The following ANKRD13D variants were observed in gnomAD, a reference collection of about 807,000 sequenced individuals.
The protein encoded by ANKRD13D is ankyrin repeat domain 13D.
Under a neutral mutation model 68.8 loss-of-function variants are expected in ANKRD13D, and 24 were observed. That is an observed-to-expected ratio of 0.35 (90% CI 0.25 to 0.49). ANKRD13D has a LOEUF of 0.49. ANKRD13D is among the 20% of genes least tolerant of loss of function. ANKRD13D has a pLI of 0.99. For synonymous variants in ANKRD13D, 331 were observed against 336.1 expected, an observed-to-expected ratio of 0.98 and a Z score of 0.16; for missense variants, 735 against 832.1, an observed-to-expected ratio of 0.88 and a Z score of 1.44.
intron 1 of ANKRD13D, 93 bp from the exon 2 acceptor site, chr11:67,289,985 T>A: frequency 6.8e-7 from 1 of 1,466,824 alleles, no homozygotes; most frequent in East Asian, 2.5e-5. Context: ...CCGTCCTTAT[T>A]TCCCACAGCG....
chr11:67,300,803 G>C lies in ANKRD13D; in HGVS notation c.1074-187G>C. 1.5e-6 allele frequency: 1 copy of C among 672,746 alleles called. No individual in the cohort carries two copies. The highest frequency in any genetic ancestry group is 3.1e-4 in the Middle Eastern group (1 of 3,206). The allele number at this position is 672,746 out of a possible 1,614,324, so 41.7% of individuals were successfully genotyped here. ...AGCCCCAGCCTGGGCCCAGGGAGGA[G>C]GGCAGCTTGGGCCACGTGGCCAGGA... On this transcript the variant is annotated intron_variant, in intron 10 of 14. Coordinates refer to ENST00000511455, the MANE Select transcript of ANKRD13D (RefSeq NM_207354.3). This position sits in a 1 kb window ranked among gnomAD's most constrained non-coding sequence, Gnocchi z 4.3.
At chr11:67,295,690 T>G (rs1252387163) in intron 6 of ANKRD13D, among the ~76,000 whole-genome samples, 1 of 150,966 alleles carries the variant, frequency 6.6e-6, no homozygotes, top group African/African-American at 2.4e-5. Context: ...GAGTCCAGAT[T>G]GTGCCACTGC....
rs1390420557 is a variant in ANKRD13D at position 67,299,809 on chromosome 11, C to G, written c.881-18C>G. 6.5e-7 allele frequency: 1 copy of G among 1,532,302 alleles called. No homozygotes were observed. The highest frequency in any genetic ancestry group is 2.3e-5 in the East Asian group (1 of 44,170). The allele number at this position is 1,532,302 out of a possible 1,614,324, so 94.9% of individuals were successfully genotyped here. On this transcript the variant is annotated intron_variant, in intron 8 of 14. Transcript: ENST00000511455. This position sits in a 1 kb window ranked among gnomAD's most constrained non-coding sequence, Gnocchi z 6.2. The stretch of plus-strand genomic sequence containing the variant: ...CGAGCATTGTGACCCCTTACCAGCT[C>G]CCACCCCTTCTCCGTAGCGGGGAAG...
intron 3 of ANKRD13D, 169 bp from the exon 4 acceptor site, chr11:67,291,307 G>A (rs1464002381): frequency 1.1e-5 from 8 of 719,716 alleles, no homozygotes; most frequent in African/African-American, 1.9e-5. Flanking sequence ...GCAGTGAGCC[G>A]AGATTGCACC....
Position 67,301,028 on chromosome 11 carries a change from T to C in ANKRD13D, c.1112T>C (p.Leu371Pro). The C allele has an allele frequency of 6.2e-7, 1 of 1,613,886 alleles. No homozygotes were observed. The highest frequency in any genetic ancestry group is 8.5e-7 in the Non-Finnish European group (1 of 1,180,002). Residue 371 changes from leucine to proline, a missense_variant, in exon 11 of 15, where the codon CTC (leucine) becomes CCC (proline). Coordinates refer to ENST00000511455, the MANE Select transcript of ANKRD13D (RefSeq NM_207354.3). This position sits in a 1 kb window ranked among gnomAD's most constrained non-coding sequence, Gnocchi z 4.5. ...ATLWLSEEHP[L>P]SLGDQVTPII... Reference sequence around the variant, plus strand: ...CTGTGGCTGAGTGAAGAGCACCCGCTCTCCCTGGGTGACCAGGTGACCCCC... The same window carrying C: ...CTGTGGCTGAGTGAAGAGCACCCGCCCTCCCTGGGTGACCAGGTGACCCCC...
At position 67,301,081 on chromosome 11, in the gene ANKRD13D, G is replaced by A. The variant is rs1860966044; in HGVS notation, c.1165G>A (p.Ala389Thr). The change falls in exon 11 of 15, where the codon GCT becomes ACT. Residue 389 changes from alanine (A) to threonine (T), a missense_variant. Ala to Thr is a moderately conservative substitution (Grantham distance 58). Transcript: ENST00000511455. The surrounding 1 kb of genome is among the most constrained non-coding windows in gnomAD (Gnocchi z 4.5). ...CATCGACCTAATGGCCATCAGCAACGCTCACTTTGCCAAGCTGCGCGACTT... is the reference window on the plus strand; with the variant it reads ...CATCGACCTAATGGCCATCAGCAACACTCACTTTGCCAAGCTGCGCGACTT... Reference protein sequence around the residue: ...PIIDLMAISNAHFAKLRDFIT... With the variant: ...PIIDLMAISNTHFAKLRDFIT... 2 of 1,614,048 alleles carry A rather than the reference G, an allele frequency of 1.2e-6. No individual in the cohort carries two copies. Among genetic ancestry groups the A allele is most frequent in the Non-Finnish European group, 1.7e-6 (2 of 1,180,028 alleles).
chr11:67,302,001 C>T, intron 14 of ANKRD13D, 118 bp from the exon 15 acceptor site: 3 of 1,380,390 alleles, frequency 2.2e-6, no homozygotes, highest in East Asian at 2.5e-5. Context: ...GCCTTGTCTC[C>T]TCTGCTTGCC....
chr11:67,290,369 G>A lies in ANKRD13D; in HGVS notation c.274G>A (p.Val92Met). 1 of 1,582,136 alleles carries A rather than the reference G, an allele frequency of 6.3e-7. No homozygotes were observed. Among genetic ancestry groups the A allele is most frequent in the Non-Finnish European group, 8.6e-7 (1 of 1,164,874 alleles). Residue 92 changes from valine (V) to methionine (M), a missense_variant, in exon 3 of 15, where the codon GTG becomes ATG. By Grantham distance (21) the Val-to-Met change is conservative. Coordinates refer to ENST00000511455, the MANE Select transcript of ANKRD13D (RefSeq NM_207354.3). ...STGDPEMVQL[V>M]LQYRDYQRAT... ...TGGAGACCCCGAGATGGTGCAGCTGGTGCTCCAGTATCGGGACTACCAGAG... is the reference window on the plus strand; with the variant it reads ...TGGAGACCCCGAGATGGTGCAGCTGATGCTCCAGTATCGGGACTACCAGAG...
intron 14 of ANKRD13D, 78 bp from the exon 15 acceptor site, chr11:67,302,041 C>T (rs1045890542): frequency 2.1e-5 from 31 of 1,453,430 alleles, no homozygotes; most frequent in African/African-American, 2.9e-5. Flanking sequence ...CCTCCAAAGC[C>T]GGTCCCCAGC....
chr11:67,300,555 A>G lies in ANKRD13D; in HGVS notation c.1073+432A>G. ...GCACAAGCCTAGCGCTCTCCCCACCATCTCAGGAGGATTCTCTTAGCCACC... is the reference window on the plus strand; with the variant it reads ...GCACAAGCCTAGCGCTCTCCCCACCGTCTCAGGAGGATTCTCTTAGCCACC... On this transcript the variant is annotated intron_variant, in intron 10 of 14. Transcript: ENST00000511455. The surrounding 1 kb of genome is among the most constrained non-coding windows in gnomAD (Gnocchi z 4.3). 1 of 340,462 alleles carries G rather than the reference A, an allele frequency of 2.9e-6. No individual in the cohort carries two copies. Among genetic ancestry groups the G allele is most frequent in the Non-Finnish European group, 5.4e-6 (1 of 186,294 alleles). 21.1% of individuals were successfully genotyped at this position (340,462 alleles called of 1,614,324 possible). A position where few individuals can be genotyped will look rare whatever the true frequency, so the allele number is the denominator to read the frequency against.
rs753898914 is a variant in ANKRD13D, at chr11:67,301,050, C to T, written c.1134C>T (p.Thr378=). 3 of 1,613,998 alleles carry T rather than the reference C, an allele frequency of 1.9e-6. No homozygotes were observed. In the Admixed American group the frequency reaches 5.0e-5, roughly 27 times the overall value. The change falls in exon 11 of 15, where the codon ACC becomes ACT. Residue 378 remains threonine (T), a synonymous_variant. Transcript: ENST00000511455. This position sits in a 1 kb window ranked among gnomAD's most constrained non-coding sequence, Gnocchi z 4.5. ...EHPLSLGDQV[T]PIIDLMAISN... is the part of the protein sequence containing the mutation. The stretch of plus-strand genomic sequence containing the variant: ...CGCTCTCCCTGGGTGACCAGGTGAC[C>T]CCCATCATCGACCTAATGGCCATCA...
intron 6 of ANKRD13D, among the ~76,000 whole-genome samples, chr11:67,294,715 A>C (rs1317021485): frequency 6.6e-6 from 1 of 151,822 alleles, no homozygotes. Context: ...TAATTTTTGC[A>C]TTTTTAGAGA....
chr11:67,302,365 C>T lies in ANKRD13D; in HGVS notation c.*33C>T, dbSNP rs1183861676. On this transcript the variant is annotated 3_prime_UTR_variant, in exon 15 of 15. Transcript: ENST00000511455. ...CCCCGGGAGGGCTGGCCAGGCCACTCCCTGCCCGCTTTTGTAATTTATTTA... is the reference window on the plus strand; with the variant it reads ...CCCCGGGAGGGCTGGCCAGGCCACTTCCTGCCCGCTTTTGTAATTTATTTA... 5 of 1,456,406 alleles carry T rather than the reference C, an allele frequency of 3.4e-6. No homozygotes were observed. Among genetic ancestry groups the T allele is most frequent in the Non-Finnish European group, 3.6e-6 (4 of 1,098,710 alleles). 90.2% of individuals were successfully genotyped at this position (1,456,406 alleles called of 1,614,324 possible).
chr11:67,302,077 C>G, intron 14 of ANKRD13D, 42 bp from the exon 15 acceptor site: 1 of 1,492,150 alleles, frequency 6.7e-7, no homozygotes, highest in Non-Finnish European at 8.9e-7. Flanking sequence ...CCAGCCTTGG[C>G]GCTCACTGGC....
chr11:67,292,202 C>T (rs770877288), intron 6 of ANKRD13D, 22 bp downstream of exon 6: 24 of 1,565,030 alleles, frequency 1.5e-5, no homozygotes, highest in South Asian at 8.0e-5. Flanking sequence ...CCTGGCACAC[C>T]GTGGGTGGGA....
At position 67,289,389 on chromosome 11, in the gene ANKRD13D, C is replaced by G; in HGVS notation, c.-72C>G. 1.7e-6 allele frequency: 2 copies of G among 1,152,878 alleles called. No homozygotes were observed. The highest frequency in any genetic ancestry group is 4.5e-5 in the Admixed American group (1 of 22,234). The allele number at this position is 1,152,878 out of a possible 1,614,324, so 71.4% of individuals were successfully genotyped here. On this transcript the variant is annotated 5_prime_UTR_variant, in exon 1 of 15. Coordinates refer to ENST00000511455, the MANE Select transcript of ANKRD13D (RefSeq NM_207354.3). The stretch of plus-strand genomic sequence containing the variant: ...CGGGGGGCGCAGCTGGGGCGCGGCT[C>G]GGAGGGGAGGCTAGGGGGCCGTGCC...
In ANKRD13D at chr11:67,301,887, A is replaced by G. The variant is rs978604596; in HGVS notation, c.1604+64A>G. On this transcript the variant is annotated intron_variant, in intron 14 of 14. Transcript: ENST00000511455. The surrounding 1 kb of genome is among the most constrained non-coding windows in gnomAD (Gnocchi z 4.5). ...CAGCCCTGGCTTGGCGGGGAGGGGG[A>G]TAGCAGGAAGGTGCTAGGACCCCAG... 6.7e-6 allele frequency: 10 copies of G among 1,501,536 alleles called. No individual in the cohort carries two copies. The highest frequency in any genetic ancestry group is 2.1e-5 in the Admixed American group (1 of 46,644). The allele number at this position is 1,501,536 out of a possible 1,614,324, so 93.0% of individuals were successfully genotyped here.
chr11:67,297,903 G>C (rs1860822077), intron 6 of ANKRD13D: 1 of 151,920 alleles, frequency 6.6e-6, no homozygotes, highest in Non-Finnish European at 1.5e-5. Context: ...TATTATTTGA[G>C]ACGTTGGCTA....
rs1306830801 is a variant in ANKRD13D, at chr11:67,301,922, A to G, written c.1604+99A>G. On this transcript the variant is annotated intron_variant, in intron 14 of 14. Transcript: ENST00000511455. The surrounding 1 kb of genome is among the most constrained non-coding windows in gnomAD (Gnocchi z 4.5). ...GGTGCTAGGACCCCAGGCCCTCTGC[A>G]AGGCCACCCTCTGTCAGCAGCGCTA... is the stretch of plus-strand genomic sequence containing the variant. The G allele has an allele frequency of 7.2e-7, 1 of 1,388,220 alleles. No individual in the cohort carries two copies. The highest frequency in any genetic ancestry group is 2.5e-5 in the East Asian group (1 of 39,894). 86.0% of individuals were successfully genotyped at this position (1,388,220 alleles called of 1,614,324 possible).
Sources: allele counts gnomAD v4.1 joint callset (sites outside exome capture counted in the v4.1 genomes callset), GRCh38; gene constraint gnomAD v4.1.1; non-coding constraint Gnocchi (gnomAD v3.1); transcripts MANE v1.5; gene names NCBI Gene and HGNC (gene_info 2026-07-23, HGNC 2026-07-21).